ZMYM1: variants seen among roughly 807,000 people sequenced by gnomAD.
The protein encoded by ZMYM1 is zinc finger MYM-type protein 1.
In ZMYM1, 39 loss-of-function variants were observed where a neutral mutation model predicts 60.0. The ratio of observed to expected loss-of-function variants is 0.65; its 90% confidence interval spans 0.50 to 0.85. The LOEUF is 0.85. Ranked by LOEUF, ZMYM1 falls within the 40% of genes least tolerant of loss-of-function variation. The pLI, the probability that ZMYM1 is intolerant of heterozygous loss-of-function variation, is 0.00. For missense variants in ZMYM1, 1,171 were observed against 1,309.5 expected (o/e 0.89, Z 1.63); for synonymous variants, 413 against 454.0 (o/e 0.91, Z 1.15).
chr1:35,110,201 A>G (rs189843597), intron 6 of ZMYM1, 93 bp from the exon 7 acceptor site: 195 of 967,964 alleles, frequency 2.0e-4, no homozygotes, highest in Non-Finnish European at 1.4e-6. Context: ...TATTCTTTTT[A>G]ATATTCCAAC....
upstream of ZMYM1, among the ~76,000 whole-genome samples, chr1:35,077,690 TCCCA>T: frequency 6.6e-6 from 1 of 152,028 alleles, no homozygotes; most frequent in Non-Finnish European, 1.5e-5. Flanking sequence ...AGCTTCAACT[TCCCA>T]TTATTTCATC....
At chr1:35,094,836 G>A (rs1469978585) in intron 2 of ZMYM1, among the ~76,000 whole-genome samples, 4 of 152,066 alleles carry the variant, frequency 2.6e-5, no homozygotes, top group Non-Finnish European at 5.9e-5. Flanking sequence ...GTAACGAAGC[G>A]AGACCCTGTC....
chr1:35,114,976 G>A lies in ZMYM1; in HGVS notation c.3146G>A (p.Ser1049Asn). ...VIDDSCINFVSLGCLFIQHGL... is the reference protein window; with the variant it reads ...VIDDSCINFVNLGCLFIQHGL... ...GATGATAGTTGCATAAACTTCGTCA[G>A]TCTCGGCTGTTTGTTTATTCAGCAT... The change falls in exon 10 of 10, where the codon AGT (serine) becomes AAT (asparagine). Residue 1049 changes from serine to asparagine, a missense_variant. Ser to Asn is a conservative substitution (Grantham distance 46). Transcript: ENST00000359858. The A allele has an allele frequency of 1.2e-6, 2 of 1,614,046 alleles. No individual in the cohort carries two copies. Among genetic ancestry groups the A allele is most frequent in the Non-Finnish European group, 1.7e-6 (2 of 1,179,922 alleles).
Position 35,114,232 on chromosome 1 carries a change from A to G in ZMYM1, c.2402A>G (p.Lys801Arg). Residue 801 changes from lysine to arginine, a missense_variant, in exon 10 of 10, where the codon AAG becomes AGG. By Grantham distance (26) the Lys-to-Arg change is conservative. Transcript: ENST00000359858. ...AGGCTAAGTCAAAACAAAACATGCAAGAAACATATATCACAATCATGTTGG... is the reference window on the plus strand; with the variant it reads ...AGGCTAAGTCAAAACAAAACATGCAGGAAACATATATCACAATCATGTTGG... ...IYRLSQNKTC[K>R]KHISQSCWTV... The G allele has an allele frequency of 6.2e-7, 1 of 1,613,736 alleles. No individual in the cohort carries two copies. Among genetic ancestry groups the G allele is most frequent in the Non-Finnish European group, 8.5e-7 (1 of 1,179,850 alleles).
At chr1:35,101,169 C>T (rs1035399915) in intron 4 of ZMYM1, among the ~76,000 whole-genome samples, 8 of 144,512 alleles carry the variant, frequency 5.5e-5, no homozygotes, top group East Asian at 2.0e-4. Flanking sequence ...AGTTCAATAG[C>T]GGGATCTCAG....
At chr1:35,068,004 C>T (rs995739577) in intron 1 of ZMYM1, among the ~76,000 whole-genome samples, 5 of 152,066 alleles carry the variant, frequency 3.3e-5, no homozygotes, top group Non-Finnish European at 7.4e-5. Context: ...CTAGGCTGGT[C>T]TTGGACTCAT....
chr1:35,104,277 C>T lies in ZMYM1; in HGVS notation c.420-18C>T, dbSNP rs1643806399. 6.5e-7 allele frequency: 1 copy of T among 1,544,616 alleles called. No homozygotes were observed. The highest frequency in any genetic ancestry group is 8.7e-7 in the Non-Finnish European group (1 of 1,149,066). ...TGTGTTTAAACTGTTTAATGATGTC[C>T]TTGTTATTTATTCTTAGAGACATTT... On this transcript the variant is annotated intron_variant, in intron 4 of 9. Coordinates refer to ENST00000359858, the MANE Select transcript of ZMYM1 (RefSeq NM_024772.5).
upstream of ZMYM1, among the ~76,000 whole-genome samples, chr1:35,074,838 G>T: frequency 6.8e-6 from 1 of 146,332 alleles, no homozygotes; most frequent in East Asian, 2.0e-4. Context: ...GGGTGCTCTG[G>T]TGTTGGACAC....
chr1:35,114,872 G>T lies in ZMYM1; in HGVS notation c.3042G>T (p.Gln1014His). 6.2e-7 allele frequency: 1 copy of T among 1,606,342 alleles called. No homozygotes were observed. Among genetic ancestry groups the T allele is most frequent in the Non-Finnish European group, 8.5e-7 (1 of 1,175,274 alleles). ...PLNETTAKHV[Q>H]EFYKLDEDII... ...ATGAAACAACAGCAAAACATGTTCA[G>T]GAATTTTATAAACTTGATGAGGACA... Residue 1014 changes from glutamine to histidine, a missense_variant, in exon 10 of 10, where the codon CAG becomes CAT. Transcript: ENST00000359858.
chr1:35,113,922 A>G lies in ZMYM1; in HGVS notation c.2092A>G (p.Lys698Glu), dbSNP rs1644180582. The G allele has an allele frequency of 6.2e-7, 1 of 1,613,836 alleles. No individual in the cohort carries two copies. The highest frequency in any genetic ancestry group is 1.3e-5 in the African/African-American group (1 of 74,930). The change falls in exon 10 of 10, where the codon AAA (lysine) becomes GAA (glutamate). Residue 698 changes from lysine to glutamate, a missense_variant. By Grantham distance (56) the Lys-to-Glu change is moderately conservative. Transcript: ENST00000359858. ...TGGGACCCACTTACATAGGACTATC[A>G]AAACTTATCTGCAGCAAATTGGAGT... ...MTGTHLHRTI[K>E]TYLQQIGVDM...
intron 9 of ZMYM1, 32 bp from the exon 10 acceptor site, chr1:35,112,945 G>C: frequency 6.8e-7 from 1 of 1,479,242 alleles, no homozygotes; most frequent in Admixed American, 2.6e-5. Flanking sequence ...TTTGAAAACT[G>C]TTAAATGTTC....
chr1:35,094,559 ATGTT>A (rs1349328214), intron 2 of ZMYM1, among the ~76,000 whole-genome samples: 2 of 152,218 alleles, frequency 1.3e-5, no homozygotes, highest in African/African-American at 4.8e-5. Context: ...ATTCCTTAGA[ATGTT>A]TGTATATATG....
chr1:35,071,688 T>G (rs1642069287), intron 1 of ZMYM1, among the ~76,000 whole-genome samples: 1 of 152,228 alleles, frequency 6.6e-6, no homozygotes, highest in Non-Finnish European at 1.5e-5. Context: ...ATCAGGGATA[T>G]TGAACTGTAG....
At position 35,114,480 on chromosome 1, in the gene ZMYM1, A is replaced by G. The variant is rs1305289281; in HGVS notation, c.2650A>G (p.Ile884Val). 1.2e-6 allele frequency: 2 copies of G among 1,612,672 alleles called. No homozygotes were observed. The highest frequency in any genetic ancestry group is 4.5e-5 in the East Asian group (2 of 44,824). ...ILSKELQNKT[I>V]DIFSLSSKIE... Reference sequence around the variant, plus strand: ...TTCCAAAGAGCTTCAAAATAAAACCATAGACATTTTTTCTTTGTCTTCAAA... The same window carrying G: ...TTCCAAAGAGCTTCAAAATAAAACCGTAGACATTTTTTCTTTGTCTTCAAA... The change falls in exon 10 of 10, where the codon ATA becomes GTA. Residue 884 changes from isoleucine to valine, a missense_variant. Transcript: ENST00000359858.
Position 35,113,206 on chromosome 1 carries a change from C to T in ZMYM1, c.1376C>T (p.Ser459Phe), listed in dbSNP as rs1557716611. Residue 459 changes from serine (S) to phenylalanine (F), a missense_variant, in exon 10 of 10, where the codon TCT becomes TTT. Coordinates refer to ENST00000359858, the MANE Select transcript of ZMYM1 (RefSeq NM_024772.5). Reference protein sequence around the residue: ...VKGKSRSIKKSCCADFECLEN... With the variant: ...VKGKSRSIKKFCCADFECLEN... ...GGTAAATCACGAAGTATTAAAAAAT[C>T]TTGTTGTGCAGATTTTGAGTGTTTG... 6.2e-7 allele frequency: 1 copy of T among 1,613,328 alleles called. No individual in the cohort carries two copies. The highest frequency in any genetic ancestry group is 8.5e-7 in the Non-Finnish European group (1 of 1,179,400).
At chr1:35,086,051 G>A (rs1642637116) in intron 1 of ZMYM1, among the ~76,000 whole-genome samples, 2 of 152,146 alleles carry the variant, frequency 1.3e-5, no homozygotes, top group Admixed American at 6.6e-5. Flanking sequence ...TTTCAATGAT[G>A]ACAGAATTCA....
rs1029051953 is a variant in ZMYM1, at chr1:35,105,126, CTTT to C, written c.807+378_807+380del. Among the ~76,000 whole-genome samples, 124 of 96,534 alleles carry C rather than the reference CTTT, an allele frequency of 1.3e-3. 1 individual carries two copies. The South Asian group carries it at 0.019, about 15-fold the overall frequency. 63.3% of individuals were successfully genotyped at this position (96,534 alleles called of 152,430 possible). On this transcript the variant is annotated intron_variant, in intron 6 of 9. Coordinates refer to ENST00000359858, the MANE Select transcript of ZMYM1 (RefSeq NM_024772.5). ...TTTTATGTATTTATTTTATTTCTTTCTTTTTTTTTTTTTTTTTTTTTTTGGTGA... is the reference window on the plus strand; with the variant it reads ...TTTTATGTATTTATTTTATTTCTTTCTTTTTTTTTTTTTTTTTTTTGGTGA...
intron 6 of ZMYM1, among the ~76,000 whole-genome samples, chr1:35,107,966 G>A (rs1439696957): frequency 8.6e-5 from 13 of 151,888 alleles, no homozygotes; most frequent in African/African-American, 2.9e-4. Flanking sequence ...AAAATTAGCC[G>A]GGCATAGTGG....
intron 1 of ZMYM1, among the ~76,000 whole-genome samples, chr1:35,072,274 T>C (rs926688974): frequency 1.3e-5 from 2 of 152,226 alleles, no homozygotes; most frequent in African/African-American, 4.8e-5. Flanking sequence ...GATTTTCTAT[T>C]TCTTCATCAT....
Sources: gnomAD v4.1 joint callset for allele counts (sites outside exome capture counted in the v4.1 genomes callset) on GRCh38, gnomAD v4.1.1 for gene constraint, MANE v1.5 for transcripts, NCBI Gene and HGNC (gene_info 2026-07-23, HGNC 2026-07-21) for gene names.